STXBP3: variants seen among roughly 807,000 people sequenced by gnomAD.
STXBP3 encodes syntaxin-binding protein 3.
A neutral mutation model predicts 85.7 loss-of-function variants in STXBP3; 41 were observed. That is an observed-to-expected ratio of 0.48 (90% CI 0.37 to 0.62). STXBP3 has a LOEUF of 0.62. Among genes scored for constraint, STXBP3 ranks in the 20% least tolerant of loss-of-function variants. STXBP3 has a pLI of 0.00. For synonymous variants in STXBP3, 229 were observed against 231.7 expected (o/e 0.99, Z 0.10); for missense variants, 563 against 703.1 (o/e 0.80, Z 2.25).
At chr1:108,798,103 T>A in intron 15 of STXBP3, 42 bp from the exon 16 acceptor site, 1 of 1,438,708 alleles carries the variant, frequency 7.0e-7, no homozygotes, top group South Asian at 1.2e-5. Context: ...TATATTTGAA[T>A]AGAATTACTG....
chr1:108,752,343 A>G (rs1432583961), intron 2 of STXBP3, 37 bp downstream of exon 2: 8 of 1,588,372 alleles, frequency 5.0e-6, no homozygotes, highest in Non-Finnish European at 6.9e-6. Flanking sequence ...AAAAAATAAT[A>G]CAAACTTTAA....
chr1:108,757,441 T>C (rs988339353), intron 4 of STXBP3, among the ~76,000 whole-genome samples: 2 of 152,094 alleles, frequency 1.3e-5, no homozygotes, highest in African/African-American at 4.8e-5. Flanking sequence ...TTTTAGTCTC[T>C]ACATGTTGGC....
At position 108,779,424 on chromosome 1, in the gene STXBP3, GAAGGGCATATA is replaced by G. The variant is rs1413541450; in HGVS notation, c.809+26_809+36del. ...TGATACATACAAGCAAGTATAACTT[GAAGGGCATATA>G]AAGGGCATATACAAACAGGATAGAA... On this transcript the variant is annotated intron_variant, in intron 9 of 18. Transcript: ENST00000370008. The G allele has an allele frequency of 5.0e-6, 8 of 1,606,114 alleles. No individual in the cohort carries two copies. The highest frequency in any genetic ancestry group is 1.1e-5 in the South Asian group (1 of 89,136).
chr1:108,746,893 C>A, intron 1 of STXBP3, 107 bp downstream of exon 1: 3 of 1,144,878 alleles, frequency 2.6e-6, no homozygotes, highest in Non-Finnish European at 3.8e-6. Flanking sequence ...CCGCCGCGAG[C>A]ACTTGTTGCT....
intron 14 of STXBP3, 64 bp from the exon 15 acceptor site, chr1:108,796,556 A>G: frequency 6.8e-7 from 1 of 1,464,822 alleles, no homozygotes; most frequent in Non-Finnish European, 9.4e-7. Flanking sequence ...GGTACTACCT[A>G]AAGCCTTGAA....
chr1:108,767,101 C>A, intron 6 of STXBP3: 2 of 330,696 alleles, frequency 6.0e-6, no homozygotes, highest in East Asian at 9.4e-5. Context: ...GGCTTCTCCT[C>A]CCTCTGCTGT....
chr1:108,749,608 A>G (rs1035204011), intron 1 of STXBP3, among the ~76,000 whole-genome samples: 2 of 152,188 alleles, frequency 1.3e-5, no homozygotes, highest in South Asian at 2.1e-4. Flanking sequence ...CCTTAGTTCT[A>G]TAGTATTTGT....
Position 108,759,978 on chromosome 1 carries a change from C to A in STXBP3, c.338-7C>A. On this transcript the variant is annotated splice_polypyrimidine_tract_variant and splice_region_variant and intron_variant, in intron 5 of 18. Transcript: ENST00000370008. ...TAACTATATGCTTTGTTTTTTTTTCCCCTCAGTTTGCCCTGATAATCTCTT... is the reference window on the plus strand; with the variant it reads ...TAACTATATGCTTTGTTTTTTTTTCACCTCAGTTTGCCCTGATAATCTCTT... 1 of 1,516,644 alleles carries A rather than the reference C, an allele frequency of 6.6e-7. No homozygotes were observed. Among genetic ancestry groups the A allele is most frequent in the Non-Finnish European group, 8.9e-7 (1 of 1,126,188 alleles). 93.9% of individuals were successfully genotyped at this position (1,516,644 alleles called of 1,614,324 possible).
In STXBP3 at chr1:108,772,615, T is replaced by C. The variant is rs768829493; in HGVS notation, c.439-50T>C. 9.0e-6 allele frequency: 10 copies of C among 1,112,932 alleles called. No individual in the cohort carries two copies. In the Admixed American group the frequency reaches 2.1e-4, roughly 23 times the overall value. 68.9% of individuals were successfully genotyped at this position (1,112,932 alleles called of 1,614,324 possible). A position where few individuals can be genotyped will look rare whatever the true frequency, so the allele number is the denominator to read the frequency against. On this transcript the variant is annotated intron_variant, in intron 6 of 18. Transcript: ENST00000370008. ...TAACATAAATATAAATATATATTTT[T>C]TTTAAATCAGGTCTCCAGATTAACA...
intron 3 of STXBP3, among the ~76,000 whole-genome samples, chr1:108,754,920 T>A (rs2101103380): frequency 6.6e-6 from 1 of 152,314 alleles, no homozygotes; most frequent in Middle Eastern, 3.4e-3. Context: ...TGTAGTCATA[T>A]CTTCTAACTT....
At chr1:108,804,002 T>G (rs1371832729) in intron 17 of STXBP3, among the ~76,000 whole-genome samples, 1 of 152,198 alleles carries the variant, frequency 6.6e-6, no homozygotes, top group Middle Eastern at 3.2e-3. Flanking sequence ...TCTCTGGTTG[T>G]TTTTTGTCCT....
intron 11 of STXBP3, among the ~76,000 whole-genome samples, chr1:108,790,836 CTT>C (rs1418334690): frequency 4.0e-5 from 6 of 151,894 alleles, no homozygotes; most frequent in African/African-American, 9.7e-5. Context: ...ACTTTATCCC[CTT>C]TCTCTTTTGT....
intron 17 of STXBP3, among the ~76,000 whole-genome samples, chr1:108,803,730 C>G (rs949526481): frequency 1.3e-5 from 2 of 152,166 alleles, no homozygotes; most frequent in East Asian, 3.8e-4. Context: ...CTTTGATCTA[C>G]GCACCTCGGC....
At chr1:108,748,550 G>A (rs2101099258) in intron 1 of STXBP3, among the ~76,000 whole-genome samples, 1 of 151,686 alleles carries the variant, frequency 6.6e-6, no homozygotes, top group African/African-American at 2.4e-5. Flanking sequence ...GCTAGCGTAA[G>A]CCCGGGCACA....
In STXBP3 at chr1:108,771,844, AATAC is replaced by A. The variant is rs1259036802; in HGVS notation, c.439-817_439-814del. Among the ~76,000 whole-genome samples the A allele has an allele frequency of 2.5e-4, 12 of 48,202 alleles. 1 individual carries two copies. In the East Asian group the frequency reaches 2.8e-3, roughly 11 times the overall value. The allele number at this position is 48,202 out of a possible 152,430, so 31.6% of individuals were successfully genotyped here. A position where few individuals can be genotyped will look rare whatever the true frequency, so the allele number is the denominator to read the frequency against. The stretch of plus-strand genomic sequence containing the variant: ...GATATCTATCTATATATCATATATA[AATAC>A]ATATGATATCTATCTATATATCATA... On this transcript the variant is annotated intron_variant, in intron 6 of 18. Transcript: ENST00000370008.
intron 6 of STXBP3, among the ~76,000 whole-genome samples, chr1:108,761,647 CT>C (rs1443679068): frequency 6.6e-6 from 1 of 151,936 alleles, no homozygotes. Context: ...GAATTTTTTT[CT>C]TTTAATTTAC....
At chr1:108,779,981 A>C (rs866990176) in intron 9 of STXBP3, 1 of 152,292 alleles carries the variant, frequency 6.6e-6, no homozygotes, top group Non-Finnish European at 1.5e-5. Context: ...GTTTTCTATC[A>C]AGGAATCATC....
intron 8 of STXBP3, among the ~76,000 whole-genome samples, chr1:108,777,756 A>G (rs1662620054): frequency 6.6e-6 from 1 of 152,182 alleles, no homozygotes; most frequent in African/African-American, 2.4e-5. Context: ...ATAAAGTGAT[A>G]AAGTGTCACC....
intron 11 of STXBP3, among the ~76,000 whole-genome samples, chr1:108,784,241 A>C (rs908169535): frequency 6.6e-6 from 1 of 152,194 alleles, no homozygotes; most frequent in Non-Finnish European, 1.5e-5. Flanking sequence ...TCACTATATT[A>C]GTCCATTCTC....
Sources: gnomAD v4.1 joint callset for allele counts (sites outside exome capture counted in the v4.1 genomes callset) on GRCh38, gnomAD v4.1.1 for gene constraint, MANE v1.5 for transcripts, NCBI Gene and HGNC (gene_info 2026-07-23, HGNC 2026-07-21) for gene names.